Variants in UFD1 observed in about 807,000 individuals in gnomAD.
UFD1 encodes the protein ubiquitin recognition factor in ER associated degradation 1.
A neutral mutation model predicts 45.9 loss-of-function variants in UFD1; 13 were observed. The observed-to-expected ratio is 0.28, with a 90% confidence interval of 0.18 to 0.45. UFD1 has a LOEUF of 0.45. UFD1 is among the 20% of genes least tolerant of loss of function. The pLI, the probability that UFD1 is intolerant of heterozygous loss-of-function variation, is 1.00. For synonymous variants in UFD1, 128 were observed against 139.2 expected, an observed-to-expected ratio of 0.92 and a Z score of 0.56; for missense variants, 218 against 389.2, an observed-to-expected ratio of 0.56 and a Z score of 3.70.
At chr22:19,474,462 C>T (rs1473603219) in intron 3 of UFD1, among the ~76,000 whole-genome samples, 1 of 152,158 alleles carries the variant, frequency 6.6e-6, no homozygotes, top group Non-Finnish European at 1.5e-5. Flanking sequence ...AGGAGGATCA[C>T]TTGAACCTGG....
rs970370346 is a variant in UFD1 at position 19,458,127 on chromosome 22, G to C, written c.508C>G (p.Arg170Gly). Residue 170 changes from arginine (R) to glycine (G), a missense_variant, in exon 7 of 12, where the codon CGT (arginine) becomes GGT (glycine). This residue lies in a region of UFD1 where 149 missense variants were observed against 307.5 expected (regional missense o/e 0.48). Coordinates refer to ENST00000263202, the MANE Select transcript of UFD1 (RefSeq NM_005659.7). ...INYNEKIYEL[R>G]VMETKPDKAV... ...TTGTCGGGTTTGGTCTCCATCACAC[G>C]CAGTTCGTAGATCTGTGGGGCAAAC... 1 of 1,614,042 alleles carries C rather than the reference G, an allele frequency of 6.2e-7. No homozygotes were observed. Among genetic ancestry groups the C allele is most frequent in the South Asian group, 1.1e-5 (1 of 91,086 alleles).
chr22:19,467,474 A>C (rs2089811555), intron 5 of UFD1: 1 of 174,022 alleles, frequency 5.7e-6, no homozygotes. Context: ...TCAGGCTGGC[A>C]TGCAGTGAGG....
intron 4 of UFD1, chr22:19,471,454 A>C (rs1376375350): frequency 1.3e-6 from 1 of 756,946 alleles, no homozygotes; most frequent in Non-Finnish European, 2.4e-6. Context: ...CAACTATCAA[A>C]GAAAAGGCCA....
At position 19,479,178 on chromosome 22, in the gene UFD1, C is replaced by G; in HGVS notation, c.-93G>C. 1.3e-6 allele frequency: 2 copies of G among 1,575,330 alleles called. No individual in the cohort carries two copies. Among genetic ancestry groups the G allele is most frequent in the South Asian group, 1.2e-5 (1 of 86,694 alleles). On this transcript the variant is annotated 5_prime_UTR_variant, in exon 1 of 12. Transcript: ENST00000263202. Reference sequence around the variant, plus strand: ...TCCCAGCCGCCGCTGCCGCTGCCGCCGCGCCAAGCCGGTACGCCCCAGAGG... The same window carrying G: ...TCCCAGCCGCCGCTGCCGCTGCCGCGGCGCCAAGCCGGTACGCCCCAGAGG...
intron 4 of UFD1, among the ~76,000 whole-genome samples, chr22:19,470,386 G>A (rs2089835279): frequency 1.3e-5 from 2 of 152,150 alleles, no homozygotes; most frequent in Non-Finnish European, 2.9e-5. Flanking sequence ...ATGGCAGCAT[G>A]GGCAAGGTCA....
At position 19,455,584 on chromosome 22, in the gene UFD1, C is replaced by T. The variant is rs531943646; in HGVS notation, c.767+96G>A. 3 of 1,172,962 alleles carry T rather than the reference C, an allele frequency of 2.6e-6. No individual in the cohort carries two copies. In the East Asian group the frequency reaches 7.1e-5, roughly 28 times the overall value. 72.7% of individuals were successfully genotyped at this position (1,172,962 alleles called of 1,614,324 possible). A position where few individuals can be genotyped will look rare whatever the true frequency, so the allele number is the denominator to read the frequency against. On this transcript the variant is annotated intron_variant, in intron 10 of 11. Coordinates refer to ENST00000263202, the MANE Select transcript of UFD1 (RefSeq NM_005659.7). ...TTAGTCCCTTGGGAGACTACTGACC[C>T]AGGCTTTGTCTCCAGAACTGGGGTG...
chr22:19,475,724 C>G (rs1179616929), intron 1 of UFD1, 122 bp from the exon 2 acceptor site: 1 of 1,212,074 alleles, frequency 8.3e-7, no homozygotes, highest in African/African-American at 1.5e-5. Context: ...GTACTGAAAT[C>G]TTCAATGTAA....
At position 19,479,146 on chromosome 22, in the gene UFD1, A is replaced by G. The variant is rs1209629031; in HGVS notation, c.-61T>C. On this transcript the variant is annotated 5_prime_UTR_variant, in exon 1 of 12. Coordinates refer to ENST00000263202, the MANE Select transcript of UFD1 (RefSeq NM_005659.7). Reference sequence around the variant, plus strand: ...GCAATGCAACGAAGAAACCCCGCCGACCGCTCTCCCAGCCGCCGCTGCCGC... The same window carrying G: ...GCAATGCAACGAAGAAACCCCGCCGGCCGCTCTCCCAGCCGCCGCTGCCGC... 32 of 1,592,288 alleles carry G rather than the reference A, an allele frequency of 2.0e-5. No homozygotes were observed. The highest frequency in any genetic ancestry group is 2.6e-5 in the Non-Finnish European group (31 of 1,170,906).
rs199878217 is a variant in UFD1 at position 19,458,053 on chromosome 22, C to G, written c.564+18G>C. ...CTCCCAGGGCCCAGGCTCACTGTAA[C>G]TGGACAGAGCCACTCACGTTCATGT... On this transcript the variant is annotated intron_variant, in intron 7 of 11. Coordinates refer to ENST00000263202, the MANE Select transcript of UFD1 (RefSeq NM_005659.7). 11,809 of 1,613,974 alleles carry G rather than the reference C, an allele frequency of 7.3e-3. 68 individuals are homozygous for G. The highest frequency in any genetic ancestry group is 8.9e-3 in the Non-Finnish European group (10,495 of 1,179,876).
Position 19,475,112 on chromosome 22 carries a change from A to C in UFD1, c.137-12T>G. 1 of 1,604,970 alleles carries C rather than the reference A, an allele frequency of 6.2e-7. No homozygotes were observed. The highest frequency in any genetic ancestry group is 2.2e-5 in the East Asian group (1 of 44,732). On this transcript the variant is annotated splice_polypyrimidine_tract_variant and intron_variant, in intron 2 of 11. Coordinates refer to ENST00000263202, the MANE Select transcript of UFD1 (RefSeq NM_005659.7). Reference sequence around the variant, plus strand: ...GGGTGGCATAATTACTGTGGAAAGAACATTTAAGAAATATTAAAAAATAAA... The same window carrying C: ...GGGTGGCATAATTACTGTGGAAAGACCATTTAAGAAATATTAAAAAATAAA...
chr22:19,475,390 AAAGT>A (rs1438587058), intron 2 of UFD1, 76 bp downstream of exon 2: 5 of 1,567,232 alleles, frequency 3.2e-6, no homozygotes, highest in Non-Finnish European at 4.3e-6. Flanking sequence ...TCCCACATGC[AAAGT>A]AAGTACTGTT....
At chr22:19,479,004 G>GC in intron 1 of UFD1, 79 bp downstream of exon 1, 3 of 728,074 alleles carry the variant, frequency 4.1e-6, no homozygotes, top group Non-Finnish European at 6.6e-6. Flanking sequence ...CCGCCGTCCC[G>GC]CCCCGCCCTG....
intron 6 of UFD1, among the ~76,000 whole-genome samples, chr22:19,458,951 A>C (rs1233557009): frequency 6.6e-6 from 1 of 152,222 alleles, no homozygotes; most frequent in Non-Finnish European, 1.5e-5. Context: ...CAGAACACAT[A>C]CATTAGCCTA....
intron 5 of UFD1, 68 bp from the exon 6 acceptor site, chr22:19,465,342 T>A (rs2089794641): frequency 1.4e-6 from 2 of 1,391,176 alleles, no homozygotes; most frequent in Non-Finnish European, 2.0e-6. Flanking sequence ...GTTTCCATGT[T>A]AGATGATTAC....
chr22:19,465,259 A>C lies in UFD1; in HGVS notation c.438T>G (p.Leu146=). The C allele has an allele frequency of 6.2e-7, 1 of 1,614,172 alleles. No individual in the cohort carries two copies. The highest frequency in any genetic ancestry group is 1.1e-5 in the South Asian group (1 of 91,082). Reference sequence around the variant, plus strand: ...CGGTGGTCAGACAGGCAAAGTTCCTAAGTGCGTTTTCTAATCTGCAGACAC... The same window carrying C: ...CGGTGGTCAGACAGGCAAAGTTCCTCAGTGCGTTTTCTAATCTGCAGACAC... ...TNPKAVLENA[L]RNFACLTTGD... Residue 146 remains leucine, a synonymous_variant, in exon 6 of 12, where the codon CTT becomes CTG. Transcript: ENST00000263202.
At position 19,467,684 on chromosome 22, in the gene UFD1, C is replaced by T. The variant is rs577528864; in HGVS notation, c.422+189G>A. 1.4e-5 allele frequency: 13 copies of T among 948,108 alleles called. No individual in the cohort carries two copies. In the Admixed American group the frequency reaches 1.8e-4, roughly 13 times the overall value. The allele number at this position is 948,108 out of a possible 1,614,324, so 58.7% of individuals were successfully genotyped here. ...TGGAAAGTGACAGAGGTGGCCCAGA[C>T]AGCACCCAGTGCACTTGGCCAGGGC... is the stretch of plus-strand genomic sequence containing the variant. On this transcript the variant is annotated intron_variant, in intron 5 of 11. Transcript: ENST00000263202.
At position 19,459,891 on chromosome 22, in the gene UFD1, A is replaced by AC. The variant is rs370493488; in HGVS notation, c.496-1753dup. On this transcript the variant is annotated intron_variant, in intron 6 of 11. Transcript: ENST00000263202. Reference sequence around the variant, plus strand: ...GTAACTGGGACTACAGGTGCGTGCCACCACACCCAGCTAATTTTTGTGTTT... The same window carrying AC: ...GTAACTGGGACTACAGGTGCGTGCCACCCACACCCAGCTAATTTTTGTGTTT... 3.8e-4 allele frequency among the ~76,000 whole-genome samples: 57 copies of AC among 151,840 alleles called. 1 individual carries two copies. Among genetic ancestry groups the AC allele is most frequent in the African/African-American group, 1.4e-3 (56 of 41,442 alleles).
At chr22:19,475,372 C>G in intron 2 of UFD1, 98 bp downstream of exon 2, 3 of 1,529,488 alleles carry the variant, frequency 2.0e-6, no homozygotes, top group Non-Finnish European at 2.7e-6. Flanking sequence ...GTAACACTAG[C>G]TTCTGACTCC....
chr22:19,467,430 C>T (rs1248690003), intron 5 of UFD1: 1 of 161,526 alleles, frequency 6.2e-6, no homozygotes, highest in Non-Finnish European at 1.4e-5. Flanking sequence ...AAACTGCAGT[C>T]ATTGCTACCT....
Sources: allele counts gnomAD v4.1 joint callset (sites outside exome capture counted in the v4.1 genomes callset), GRCh38; gene constraint gnomAD v4.1.1; regional missense constraint gnomAD v4.1.1; transcripts MANE v1.5; gene names NCBI Gene and HGNC (gene_info 2026-07-23, HGNC 2026-07-21).